Variants in TNFRSF19 observed in about 807,000 individuals in gnomAD.
TNFRSF19 encodes the protein TNF receptor superfamily member 19.
TNFRSF19 carries 27 observed loss-of-function variants against 46.4 expected under a neutral mutation model. The ratio of observed to expected loss-of-function variants is 0.58; its 90% CI spans 0.43 to 0.80. TNFRSF19 has a LOEUF of 0.80. Ranked by LOEUF, TNFRSF19 falls within the 30% of genes least tolerant of loss-of-function variation. The probability of loss-of-function intolerance (pLI) is 0.00; values close to 1 mark genes in which losing one functional copy is unlikely to be tolerated. For missense variants in TNFRSF19, 511 were observed against 530.8 expected, an observed-to-expected ratio of 0.96 and a Z score of 0.37; for synonymous variants, 204 against 205.0, an observed-to-expected ratio of 1.00 and a Z score of 0.04.
At chr13:23,615,801 T>C in intron 3 of TNFRSF19, 66 bp from the exon 4 acceptor site, 2 of 1,466,048 alleles carry the variant, frequency 1.4e-6, no homozygotes, top group Non-Finnish European at 1.8e-6. Flanking sequence ...CGTTTCATCC[T>C]AGCGGTCTTT....
intron 5 of TNFRSF19, among the ~76,000 whole-genome samples, chr13:23,637,966 G>A (rs571418989): frequency 4.6e-5 from 7 of 152,302 alleles, no homozygotes; most frequent in African/African-American, 7.2e-5. Context: ...CTGGGAGGGC[G>A]GAGGCCCAAG....
intron 5 of TNFRSF19, among the ~76,000 whole-genome samples, chr13:23,642,011 C>T (rs140624587): frequency 6.6e-6 from 1 of 152,264 alleles, no homozygotes; most frequent in Admixed American, 6.5e-5. Context: ...AATACTGTAT[C>T]ATACACTATG....
chr13:23,668,639 G>C, intron 8 of TNFRSF19, 53 bp from the exon 9 acceptor site: 1 of 1,546,058 alleles, frequency 6.5e-7, no homozygotes, highest in Non-Finnish European at 8.7e-7. Flanking sequence ...CTTCTTTGTA[G>C]TAGTGTTTTT....
In TNFRSF19 at chr13:23,668,830, T is replaced by C. The variant is rs1295598057; in HGVS notation, c.978T>C (p.Tyr326=). The C allele has an allele frequency of 6.2e-7, 1 of 1,614,132 alleles. No individual in the cohort carries two copies. The highest frequency in any genetic ancestry group is 8.5e-7 in the Non-Finnish European group (1 of 1,180,054). ...GGDNISFCDS[Y]PELTGEDIHS... is the part of the protein sequence containing the mutation. ...ACAACATCTCTTTTTGTGACTCTTA[T>C]CCTGAACTCACTGGAGAAGACATTC... Residue 326 remains tyrosine, a synonymous_variant, in exon 9 of 10, where the codon TAT becomes TAC. Coordinates refer to ENST00000248484, the MANE Select transcript of TNFRSF19 (RefSeq NM_148957.4).
chr13:23,649,558 G>T, intron 5 of TNFRSF19, among the ~76,000 whole-genome samples: 1 of 150,192 alleles, frequency 6.7e-6, no homozygotes. Context: ...ATTGATCTCT[G>T]CCCTAGTCCT....
intron 7 of TNFRSF19, among the ~76,000 whole-genome samples, chr13:23,660,734 C>A (rs529556418): frequency 6.6e-6 from 1 of 152,234 alleles, no homozygotes; most frequent in South Asian, 2.1e-4. Flanking sequence ...ACTTTTGGGT[C>A]ATGTTTGTCT....
intron 3 of TNFRSF19, 63 bp downstream of exon 3, chr13:23,593,518 ATTCT>A (rs1879476360): frequency 1.7e-5 from 19 of 1,096,900 alleles, no homozygotes; most frequent in Non-Finnish European, 2.3e-5. Context: ...TCTTAACTCA[ATTCT>A]TTGAGTTAAT....
chr13:23,592,866 A>G (rs976298007), intron 2 of TNFRSF19, among the ~76,000 whole-genome samples: 10 of 152,200 alleles, frequency 6.6e-5, no homozygotes, highest in Non-Finnish European at 1.3e-4. Context: ...TAATTATTCA[A>G]TTTATTTAAT....
chr13:23,611,081 C>G (rs1880876682), intron 3 of TNFRSF19, among the ~76,000 whole-genome samples: 1 of 151,854 alleles, frequency 6.6e-6, no homozygotes, highest in Non-Finnish European at 1.5e-5. Context: ...CATACTCTGC[C>G]TATACCCTCC....
intron 3 of TNFRSF19, among the ~76,000 whole-genome samples, chr13:23,598,743 T>G (rs1566174891): frequency 6.6e-6 from 1 of 152,248 alleles, no homozygotes; most frequent in Non-Finnish European, 1.5e-5. Flanking sequence ...GTGAGCACGT[T>G]CAGAGCTATA....
At chr13:23,661,937 C>A (rs1447781180) in intron 7 of TNFRSF19, among the ~76,000 whole-genome samples, 3 of 152,088 alleles carry the variant, frequency 2.0e-5, no homozygotes, top group South Asian at 2.1e-4. Context: ...GTATATTAGA[C>A]CTTTATCAGA....
At chr13:23,626,368 G>T (rs2138290133) in intron 4 of TNFRSF19, among the ~76,000 whole-genome samples, 1 of 152,206 alleles carries the variant, frequency 6.6e-6, no homozygotes, top group South Asian at 2.1e-4. Flanking sequence ...AATTCCAAAT[G>T]CTAAAACCTA....
At chr13:23,647,377 CCT>C (rs1158417466) in intron 5 of TNFRSF19, among the ~76,000 whole-genome samples, 1 of 152,040 alleles carries the variant, frequency 6.6e-6, no homozygotes, top group Non-Finnish European at 1.5e-5. Flanking sequence ...TGAAGATTTT[CCT>C]CTATGTCTTT....
At chr13:23,667,219 G>T (rs948413416) in intron 7 of TNFRSF19, among the ~76,000 whole-genome samples, 14 of 151,630 alleles carry the variant, frequency 9.2e-5, no homozygotes, top group Non-Finnish European at 1.8e-4. Flanking sequence ...GGATTGAGAA[G>T]ATTTATTTTT....
intron 5 of TNFRSF19, among the ~76,000 whole-genome samples, chr13:23,627,649 C>T (rs948218158): frequency 4.6e-5 from 7 of 152,142 alleles, no homozygotes; most frequent in South Asian, 2.1e-4. Flanking sequence ...GGAGGGAGGA[C>T]GGAGGAGGCT....
At chr13:23,581,985 C>T (rs1285431661) in intron 1 of TNFRSF19, among the ~76,000 whole-genome samples, 1 of 152,172 alleles carries the variant, frequency 6.6e-6, no homozygotes, top group African/African-American at 2.4e-5. Flanking sequence ...TTGAATAAAA[C>T]ACACTCCCAA....
At chr13:23,576,329 C>T (rs888523283) in intron 1 of TNFRSF19, among the ~76,000 whole-genome samples, 3 of 152,054 alleles carry the variant, frequency 2.0e-5, no homozygotes, top group South Asian at 2.1e-4. Flanking sequence ...GACGAGGTTT[C>T]GCCATGTTAG....
At chr13:23,606,240 A>G (rs956818207) in intron 3 of TNFRSF19, among the ~76,000 whole-genome samples, 1 of 152,202 alleles carries the variant, frequency 6.6e-6, no homozygotes, top group Admixed American at 6.5e-5. Flanking sequence ...AGTTTTCCAT[A>G]AGGATTGAAA....
intron 5 of TNFRSF19, among the ~76,000 whole-genome samples, chr13:23,650,134 A>G (rs1389596435): frequency 6.6e-6 from 1 of 152,194 alleles, no homozygotes; most frequent in African/African-American, 2.4e-5. Flanking sequence ...AAATCCCTCC[A>G]TTCTTCCCCT....
Sources: allele counts gnomAD v4.1 joint callset (sites outside exome capture counted in the v4.1 genomes callset), GRCh38; gene constraint gnomAD v4.1.1; transcripts MANE v1.5; gene names NCBI Gene and HGNC (gene_info 2026-07-23, HGNC 2026-07-21).